EPM2A: variants seen among roughly 807,000 people sequenced by gnomAD.
The protein encoded by EPM2A is laforin.
In EPM2A, 21 loss-of-function variants were observed where a neutral mutation model predicts 26.5. That is an observed-to-expected ratio of 0.79 (90% CI 0.56 to 1.14). The LOEUF is 1.14. EPM2A is among the 50% of genes most tolerant of loss of function. EPM2A has a pLI of 0.00. For missense variants in EPM2A, 458 were observed against 440.8 expected (o/e 1.04, Z -0.35); for synonymous variants, 217 against 177.6 (o/e 1.22, Z -1.76).
At chr6:145,445,178 G>T (rs999280815) in intron 4 of EPM2A, among the ~76,000 whole-genome samples, 2 of 151,366 alleles carry the variant, frequency 1.3e-5, no homozygotes, top group African/African-American at 2.4e-5. Flanking sequence ...ACTTTCTCTA[G>T]TTTTTTTTTC....
chr6:145,626,236 G>A lies in EPM2A; in HGVS notation c.*1180C>T. 4 of 991,070 alleles carry A rather than the reference G, an allele frequency of 4.0e-6. No individual in the cohort carries two copies. Among genetic ancestry groups the A allele is most frequent in the Non-Finnish European group, 4.8e-6 (4 of 833,282 alleles). The allele number at this position is 991,070 out of a possible 1,614,324, so 61.4% of individuals were successfully genotyped here. On this transcript the variant is annotated 3_prime_UTR_variant, in exon 4 of 4. Transcript: ENST00000367519. ...GCAGCACATTTTTGAAGGCAAAGTT[G>A]TTCATCTCTGTATTTCCTGTAGAAC...
At chr6:145,735,106 G>T in intron 1 of EPM2A, 92 bp downstream of exon 1, 2 of 889,050 alleles carry the variant, frequency 2.2e-6, no homozygotes, top group Non-Finnish European at 3.1e-6. Flanking sequence ...CGCCGCCGGG[G>T]CCTGCGGGGC....
intron 1 of EPM2A, among the ~76,000 whole-genome samples, chr6:145,718,850 C>T (rs372745638): frequency 1.3e-5 from 2 of 152,138 alleles, no homozygotes; most frequent in Non-Finnish European, 2.9e-5. Flanking sequence ...GACATTTATG[C>T]AGCCAAAAAA....
intron 1 of EPM2A, among the ~76,000 whole-genome samples, chr6:145,701,913 A>G (rs2128625740): frequency 6.6e-6 from 1 of 151,916 alleles, no homozygotes; most frequent in South Asian, 2.1e-4. Flanking sequence ...ACACACACAC[A>G]CAAAAAAAGC....
intron 4 of EPM2A, among the ~76,000 whole-genome samples, chr6:145,474,423 T>C (rs1274539178): frequency 6.6e-6 from 1 of 152,032 alleles, no homozygotes; most frequent in South Asian, 2.1e-4. Flanking sequence ...GATTGAGCCA[T>C]TGCACTCCAA....
chr6:145,555,732 A>T (rs943601493), intron 2 of EPM2A, among the ~76,000 whole-genome samples: 10 of 152,118 alleles, frequency 6.6e-5, no homozygotes, highest in African/African-American at 9.7e-5. Flanking sequence ...ATAGATATGT[A>T]TATGTATTTA....
At chr6:145,413,199 A>G (rs373970770) in intron 4 of EPM2A, among the ~76,000 whole-genome samples, 5 of 152,338 alleles carry the variant, frequency 3.3e-5, no homozygotes, top group African/African-American at 1.2e-4. Context: ...AAATACAGAG[A>G]ATGTCTACAG....
chr6:145,388,642 C>T (rs1778295029), intron 4 of EPM2A, among the ~76,000 whole-genome samples: 1 of 152,094 alleles, frequency 6.6e-6, no homozygotes, highest in Non-Finnish European at 1.5e-5. Context: ...TTAGGTATTT[C>T]TCCTAATGCT....
intron 4 of EPM2A, among the ~76,000 whole-genome samples, chr6:145,443,351 C>T (rs1779092250): frequency 6.6e-6 from 1 of 152,146 alleles, no homozygotes; most frequent in African/African-American, 2.4e-5. Context: ...ATTGATTCTT[C>T]TTATCCAAGA....
At chr6:145,565,940 C>A (rs1292675791) in intron 2 of EPM2A, among the ~76,000 whole-genome samples, 1 of 152,166 alleles carries the variant, frequency 6.6e-6, no homozygotes, top group Non-Finnish European at 1.5e-5. Context: ...ATATGGAAAT[C>A]TCTCCTCTAA....
At chr6:145,586,665 C>T (rs1421592484) in intron 2 of EPM2A, among the ~76,000 whole-genome samples, 1 of 152,140 alleles carries the variant, frequency 6.6e-6, no homozygotes, top group African/African-American at 2.4e-5. Context: ...CGCATGCCTT[C>T]ATTTAGATCT....
chr6:145,499,042 G>A (rs536505360), downstream of EPM2A, among the ~76,000 whole-genome samples: 9 of 151,932 alleles, frequency 5.9e-5, no homozygotes, highest in African/African-American at 1.4e-4. Context: ...TCTCTCATCC[G>A]TTTTTGGCCC....
At chr6:145,649,731 C>T (rs1777738740) in intron 2 of EPM2A, among the ~76,000 whole-genome samples, 1 of 152,184 alleles carries the variant, frequency 6.6e-6, no homozygotes, top group Non-Finnish European at 1.5e-5. Context: ...GTTTTATTGG[C>T]ACACAGCCAC....
Position 145,589,999 on chromosome 6 carries a change from G to T in EPM2A, c.340+45246C>A, listed in dbSNP as rs2128547579. 1.3e-5 allele frequency among the ~76,000 whole-genome samples: 2 copies of T among 152,060 alleles called. 1 individual carries two copies. Among genetic ancestry groups the T allele is most frequent in the South Asian group, 4.2e-4 (2 of 4,796 alleles). On this transcript the variant is annotated intron_variant, in intron 2 of 3. Coordinates refer to the EPM2A transcript ENST00000450221. The stretch of plus-strand genomic sequence containing the variant: ...CTCTTCAGAGAATCGAGGTCATAGG[G>T]TAAACCACCACACAAATTCTAGAAA...
intron 2 of EPM2A, among the ~76,000 whole-genome samples, chr6:145,685,368 T>C (rs1780831712): frequency 1.3e-5 from 2 of 152,060 alleles, no homozygotes; most frequent in Non-Finnish European, 1.5e-5. Context: ...TAAGTAACAA[T>C]GGAACTTCTC....
intron 2 of EPM2A, among the ~76,000 whole-genome samples, chr6:145,557,127 C>T (rs59557516): frequency 9.9e-5 from 15 of 152,016 alleles, no homozygotes; most frequent in Non-Finnish European, 1.5e-4. Context: ...ATCATATCTT[C>T]GCAAGAGTGT....
intron 2 of EPM2A, among the ~76,000 whole-genome samples, chr6:145,583,691 G>C (rs1271500325): frequency 6.6e-6 from 1 of 152,216 alleles, no homozygotes. Context: ...ATACAAGGCA[G>C]CTGGCCCAGT....
At position 145,495,310 on chromosome 6, in the gene EPM2A, A is replaced by ATTT. The variant is rs71028352; in HGVS notation, c.555+7209_555+7211dup. Reference sequence around the variant, plus strand: ...AAAAACTGGAATTGCAACCACTGGGATTTTTTTTTTTTCTGTTTTCCATTT... The same window carrying ATTT: ...AAAAACTGGAATTGCAACCACTGGGATTTTTTTTTTTTTTTCTGTTTTCCATTT... On this transcript the variant is annotated intron_variant, in intron 4 of 4. Transcript: ENST00000638717. 1.3e-3 allele frequency among the ~76,000 whole-genome samples: 190 copies of ATTT among 143,658 alleles called. 1 individual carries two copies. The highest frequency in any genetic ancestry group is 7.6e-3 in the South Asian group (35 of 4,628). 94.2% of individuals were successfully genotyped at this position (143,658 alleles called of 152,430 possible).
chr6:145,671,210 T>C, intron 2 of EPM2A: 1 of 996,778 alleles, frequency 1.0e-6, no homozygotes, highest in Non-Finnish European at 1.2e-6. Flanking sequence ...AAAAAAAATC[T>C]TATCATTATA....
Sources: allele counts gnomAD v4.1 joint callset (sites outside exome capture counted in the v4.1 genomes callset), GRCh38; gene constraint gnomAD v4.1.1; transcripts MANE v1.5; gene names NCBI Gene and HGNC (gene_info 2026-07-23, HGNC 2026-07-21).